Variants in SPATA22 observed in about 807,000 individuals in gnomAD.
The protein encoded by SPATA22 is spermatogenesis-associated protein 22.
SPATA22 carries 29 observed loss-of-function variants against 47.8 expected under a neutral mutation model. The observed-to-expected ratio is 0.61, with a 90% CI of 0.45 to 0.83. The LOEUF (loss-of-function observed/expected upper bound fraction) is 0.83. SPATA22 is among the 40% of genes least tolerant of loss of function. The probability of loss-of-function intolerance (pLI) is 0.00; values close to 1 mark genes in which losing one functional copy is unlikely to be tolerated. For missense variants in SPATA22, 410 were observed against 421.7 expected (o/e 0.97, Z 0.24); for synonymous variants, 133 against 140.9 (o/e 0.94, Z 0.40).
chr17:3,493,764 C>T (rs528982151), intron 1 of SPATA22, among the ~76,000 whole-genome samples: 10 of 151,982 alleles, frequency 6.6e-5, no homozygotes, highest in African/African-American at 2.4e-4. Context: ...GGCCGCATAG[C>T]CAGGGGATTA....
At chr17:3,475,898 TTAAAG>T (rs1304099209), upstream of SPATA22, 20 of 491,468 alleles carry the variant, frequency 4.1e-5, no homozygotes, top group Non-Finnish European at 7.0e-5. Context: ...GAGTTAGAAG[TTAAAG>T]TAAACAGCTG....
intron 1 of SPATA22, among the ~76,000 whole-genome samples, chr17:3,469,607 G>C (rs1041454703): frequency 1.3e-4 from 20 of 152,070 alleles, no homozygotes. Context: ...CTGTAACCTT[G>C]CTTCGTAAAC....
chr17:3,495,851 G>A (rs2073900031), intron 1 of SPATA22, among the ~76,000 whole-genome samples: 1 of 152,202 alleles, frequency 6.6e-6, no homozygotes, highest in South Asian at 2.1e-4. Flanking sequence ...ACAGGCATGA[G>A]CCACCTTGCC....
intron 7 of SPATA22, among the ~76,000 whole-genome samples, chr17:3,444,443 A>C (rs1429278929): frequency 6.6e-6 from 1 of 152,114 alleles, no homozygotes; most frequent in Non-Finnish European, 1.5e-5. Flanking sequence ...AAGAGCAATC[A>C]GAAGAAAAAT....
chr17:3,457,880 C>T (rs998476127), intron 5 of SPATA22, among the ~76,000 whole-genome samples: 4 of 152,096 alleles, frequency 2.6e-5, no homozygotes, highest in East Asian at 3.8e-4. Context: ...TAGGAAAAAA[C>T]GCAGAGAACA....
chr17:3,440,352 A>C lies in SPATA22; in HGVS notation c.901-14T>G. On this transcript the variant is annotated splice_polypyrimidine_tract_variant and intron_variant, in intron 8 of 8. Coordinates refer to ENST00000572969, the MANE Select transcript of SPATA22 (RefSeq NM_001170698.2). Reference sequence around the variant, plus strand: ...AAGTTCACGATCCTGTTTTTCAAAAAATAAGTATCAAAAAATAGTTATTAC... The same window carrying C: ...AAGTTCACGATCCTGTTTTTCAAAACATAAGTATCAAAAAATAGTTATTAC... The C allele has an allele frequency of 2.0e-6, 3 of 1,497,450 alleles. No homozygotes were observed. Among genetic ancestry groups the C allele is most frequent in the Non-Finnish European group, 1.8e-6 (2 of 1,118,954 alleles). 92.8% of individuals were successfully genotyped at this position (1,497,450 alleles called of 1,614,324 possible).
At chr17:3,460,504 T>C (rs2073101358) in intron 5 of SPATA22, among the ~76,000 whole-genome samples, 1 of 152,098 alleles carries the variant, frequency 6.6e-6, no homozygotes, top group African/African-American at 2.4e-5. Context: ...AAAGCCTTCA[T>C]CTCACCGAGC....
intron 5 of SPATA22, among the ~76,000 whole-genome samples, chr17:3,454,274 GTTTT>G (rs939869037): frequency 6.7e-6 from 1 of 149,140 alleles, no homozygotes; most frequent in African/African-American, 2.5e-5. Context: ...AATTGATATT[GTTTT>G]TTGTTTTATT....
In SPATA22 at chr17:3,496,727, C is replaced by T. The variant is rs77774987; in HGVS notation, c.-74+16685G>A. 1.2e-3 allele frequency among the ~76,000 whole-genome samples: 181 copies of T among 152,338 alleles called. 1 individual carries two copies. In the East Asian group the frequency reaches 0.029, roughly 25 times the overall value. ...CCCACCACAAACTACTAAAGTAGCGCTTCTCAAACTTGAGCCACATGACAA... is the reference window on the plus strand; with the variant it reads ...CCCACCACAAACTACTAAAGTAGCGTTTCTCAAACTTGAGCCACATGACAA... On this transcript the variant is annotated intron_variant, in intron 1 of 8. Transcript: ENST00000541913.
chr17:3,502,280 C>T (rs1567621957), intron 1 of SPATA22: 1 of 152,202 alleles, frequency 6.6e-6, no homozygotes, highest in Non-Finnish European at 1.5e-5. Context: ...ATTTAACATA[C>T]TACATATAGT....
At chr17:3,444,963 G>A (rs1356920199) in intron 7 of SPATA22, among the ~76,000 whole-genome samples, 1 of 152,000 alleles carries the variant, frequency 6.6e-6, no homozygotes, top group Non-Finnish European at 1.5e-5. Flanking sequence ...ATGTCTATTG[G>A]TGTTTATAAT....
At chr17:3,480,239 G>C (rs2073603883) in intron 1 of SPATA22, among the ~76,000 whole-genome samples, 1 of 152,232 alleles carries the variant, frequency 6.6e-6, no homozygotes, top group Admixed American at 6.5e-5. Context: ...AGACAGAGCT[G>C]ATTTATCAAG....
At chr17:3,509,745 T>C (rs950492479) in intron 1 of SPATA22, among the ~76,000 whole-genome samples, 1 of 152,192 alleles carries the variant, frequency 6.6e-6, no homozygotes, top group African/African-American at 2.4e-5. Flanking sequence ...CGCCATACTG[T>C]CTTCCTCAAT....
chr17:3,475,262 A>T (rs903059271), upstream of SPATA22, among the ~76,000 whole-genome samples: 4 of 152,128 alleles, frequency 2.6e-5, no homozygotes, highest in Non-Finnish European at 5.9e-5. Context: ...CTTTTTGAGT[A>T]ACACAGTCCA....
chr17:3,505,326 A>G lies in SPATA22; in HGVS notation c.-74+8086T>C, dbSNP rs971302082. Among the ~76,000 whole-genome samples, 6 of 152,334 alleles carry G rather than the reference A, an allele frequency of 3.9e-5. No individual in the cohort carries two copies. The East Asian group carries it at 5.8e-4, about 15-fold the overall frequency. Reference sequence around the variant, plus strand: ...AAAGCTCCAAGAAAGCAGGGATAGCATTTGTCTTATTCTTTGTCGTACACA... The same window carrying G: ...AAAGCTCCAAGAAAGCAGGGATAGCGTTTGTCTTATTCTTTGTCGTACACA... On this transcript the variant is annotated intron_variant, in intron 1 of 8. Coordinates refer to the SPATA22 transcript ENST00000541913.
intron 5 of SPATA22, among the ~76,000 whole-genome samples, chr17:3,450,277 A>T (rs1485488890): frequency 6.6e-6 from 1 of 152,242 alleles, no homozygotes; most frequent in African/African-American, 2.4e-5. Context: ...ACTGCTGACC[A>T]GGAACAAATC....
intron 1 of SPATA22, among the ~76,000 whole-genome samples, chr17:3,478,192 A>AT (rs1159804824): frequency 1.6e-3 from 233 of 145,474 alleles, no homozygotes; most frequent in African/African-American, 4.3e-3. Context: ...CTCAAAAAAA[A>AT]AAATATATAT....
upstream of SPATA22, among the ~76,000 whole-genome samples, chr17:3,475,791 C>T (rs2073512337): frequency 6.6e-6 from 1 of 152,184 alleles, no homozygotes; most frequent in South Asian, 2.1e-4. Flanking sequence ...GTGAAAGCCT[C>T]ACTGGATGAC....
Position 3,462,474 on chromosome 17 carries a change from TAG to T in SPATA22, c.329+7_329+8del. On this transcript the variant is annotated splice_region_variant and intron_variant, in intron 5 of 8. Transcript: ENST00000572969. Reference sequence around the variant, plus strand: ...AATAGAAGAAGAAAGAAATTTTAAGTAGACTCACCTCCAACCACCCTGGCTTC... The same window carrying T: ...AATAGAAGAAGAAAGAAATTTTAAGTACTCACCTCCAACCACCCTGGCTTC... 1 of 1,568,468 alleles carries T rather than the reference TAG, an allele frequency of 6.4e-7. No homozygotes were observed. Among genetic ancestry groups the T allele is most frequent in the African/African-American group, 1.4e-5 (1 of 72,714 alleles).
Sources: gnomAD v4.1 joint callset for allele counts (sites outside exome capture counted in the v4.1 genomes callset) on GRCh38, gnomAD v4.1.1 for gene constraint, MANE v1.5 for transcripts, NCBI Gene and HGNC (gene_info 2026-07-23, HGNC 2026-07-21) for gene names.